The following ARHGAP15 variants were observed in gnomAD, a reference collection of about 807,000 sequenced individuals.
ARHGAP15 encodes the protein Rho GTPase activating protein 15, also known as rho GTPase-activating protein 15.
ARHGAP15 carries 51 observed loss-of-function variants against 63.7 expected under a neutral mutation model. That is an observed-to-expected ratio of 0.80 (90% CI 0.64 to 1.01). The LOEUF is 1.01. Among genes scored for constraint, ARHGAP15 ranks in the 50% least tolerant of loss-of-function variants. The pLI is 0.00. For missense variants in ARHGAP15, 560 were observed against 564.6 expected, an observed-to-expected ratio of 0.99 and a Z score of 0.08; for synonymous variants, 191 against 193.8, an observed-to-expected ratio of 0.99 and a Z score of 0.12.
chr2:143,521,269 G>A (rs545656169), intron 10 of ARHGAP15, among the ~76,000 whole-genome samples: 2 of 152,178 alleles, frequency 1.3e-5, no homozygotes, highest in South Asian at 2.1e-4. Context: ...GAACCCTATG[G>A]AAATATTCAG....
chr2:143,726,849 A>T (rs1033422933), intron 13 of ARHGAP15, among the ~76,000 whole-genome samples: 2 of 152,236 alleles, frequency 1.3e-5, no homozygotes, highest in Non-Finnish European at 2.9e-5. Context: ...TGCAAGAAAG[A>T]AGTAGAAGAC....
chr2:143,373,359 G>A (rs185820229), intron 6 of ARHGAP15, among the ~76,000 whole-genome samples: 164 of 152,154 alleles, frequency 1.1e-3, no homozygotes, highest in Non-Finnish European at 2.1e-3. Context: ...GGCCAGGCAC[G>A]GTGGCTCACG....
At chr2:143,538,390 A>G (rs933849385) in intron 10 of ARHGAP15, among the ~76,000 whole-genome samples, 12 of 152,040 alleles carry the variant, frequency 7.9e-5, no homozygotes, top group Non-Finnish European at 1.3e-4. Flanking sequence ...CTGCCTGATT[A>G]CCCTGGCCAG....
At chr2:143,619,777 C>T (rs1010767575) in intron 11 of ARHGAP15, among the ~76,000 whole-genome samples, 1 of 152,188 alleles carries the variant, frequency 6.6e-6, no homozygotes, top group Non-Finnish European at 1.5e-5. Context: ...CTTTCCTCTT[C>T]ACTCCTCTCT....
intron 11 of ARHGAP15, among the ~76,000 whole-genome samples, chr2:143,567,166 C>T (rs183985834): frequency 2.0e-5 from 3 of 152,152 alleles, no homozygotes; most frequent in Non-Finnish European, 2.9e-5. Flanking sequence ...TGAGCCACAG[C>T]GTGCTTCTTT....
intron 11 of ARHGAP15, among the ~76,000 whole-genome samples, chr2:143,607,183 CA>C (rs535252439): frequency 3.3e-4 from 50 of 152,148 alleles, no homozygotes; most frequent in Non-Finnish European, 6.5e-4. Context: ...GGAGAAGAAT[CA>C]GCACCAAAAT....
chr2:143,222,232 A>AT (rs1199027093), intron 4 of ARHGAP15, among the ~76,000 whole-genome samples: 1 of 152,216 alleles, frequency 6.6e-6, no homozygotes, highest in East Asian at 1.9e-4. Context: ...TGTCTGAGTG[A>AT]TTTTGCGGTA....
chr2:143,250,371 A>C (rs1574152478), intron 5 of ARHGAP15, 140 bp from the exon 6 acceptor site: 2 of 506,610 alleles, frequency 3.9e-6, no homozygotes, highest in East Asian at 6.6e-5. Context: ...AATTCCTACA[A>C]ATTAGGTTTC....
intron 6 of ARHGAP15, among the ~76,000 whole-genome samples, chr2:143,412,952 A>C (rs1688504161): frequency 1.3e-5 from 2 of 151,984 alleles, no homozygotes; most frequent in African/African-American, 4.8e-5. Context: ...AATTTCAACT[A>C]TTTTCAGGTC....
intron 8 of ARHGAP15, among the ~76,000 whole-genome samples, chr2:143,475,404 C>T (rs186949481): frequency 8.5e-5 from 13 of 152,324 alleles, no homozygotes; most frequent in African/African-American, 3.1e-4. Flanking sequence ...GTGCTTCGCA[C>T]GCACATTTTG....
chr2:143,683,373 A>C (rs371541159), intron 12 of ARHGAP15, among the ~76,000 whole-genome samples: 1 of 152,224 alleles, frequency 6.6e-6, no homozygotes, highest in East Asian at 1.9e-4. Flanking sequence ...TAAACTTCAG[A>C]ATATTTTATC....
At chr2:143,519,531 T>C (rs1574568780) in intron 10 of ARHGAP15, 167 bp downstream of exon 10, 1 of 509,450 alleles carries the variant, frequency 2.0e-6, no homozygotes. Context: ...AGTTTGTTTT[T>C]ACAATAGGGA....
chr2:143,503,556 A>G (rs1308754189), intron 9 of ARHGAP15, among the ~76,000 whole-genome samples: 1 of 152,228 alleles, frequency 6.6e-6, no homozygotes, highest in Non-Finnish European at 1.5e-5. Flanking sequence ...GTAGCAAACA[A>G]TAGCTATTGA....
intron 11 of ARHGAP15, among the ~76,000 whole-genome samples, chr2:143,585,627 G>A (rs1333751302): frequency 1.3e-5 from 2 of 152,076 alleles, no homozygotes; most frequent in African/African-American, 2.4e-5. Context: ...TCAAATAAAT[G>A]TTTATTTGAC....
intron 3 of ARHGAP15, among the ~76,000 whole-genome samples, chr2:143,215,661 C>T (rs1384486515): frequency 1.3e-5 from 2 of 152,122 alleles, no homozygotes; most frequent in East Asian, 3.9e-4. Flanking sequence ...AATTAAAACA[C>T]CTAGTACAGA....
chr2:143,394,384 T>C lies in ARHGAP15; in HGVS notation c.475-41217T>C, dbSNP rs139588951. ...GTTGTAAAAAAAGAAGACTGCAAAA[T>C]TGTGGACATAAGAAAGACTAATGAG... On this transcript the variant is annotated intron_variant, in intron 6 of 13. Coordinates refer to ENST00000295095, the MANE Select transcript of ARHGAP15 (RefSeq NM_018460.4). 4.7e-3 allele frequency among the ~76,000 whole-genome samples: 712 copies of C among 152,256 alleles called. 6 individuals are homozygous for C. Among genetic ancestry groups the C allele is most frequent in the African/African-American group, 0.016 (662 of 41,556 alleles).
chr2:143,461,293 A>C (rs1172662231), intron 8 of ARHGAP15, among the ~76,000 whole-genome samples: 1 of 150,632 alleles, frequency 6.6e-6, no homozygotes, highest in African/African-American at 2.4e-5. Flanking sequence ...AAAAAAAAAA[A>C]AAAAAAAAAA....
intron 6 of ARHGAP15, among the ~76,000 whole-genome samples, chr2:143,372,050 G>A (rs1686583146): frequency 1.4e-5 from 2 of 146,746 alleles, no homozygotes; most frequent in Non-Finnish European, 3.0e-5. Flanking sequence ...AAATAAATAG[G>A]ACTAGTCAGC....
intron 9 of ARHGAP15, among the ~76,000 whole-genome samples, chr2:143,505,194 C>T (rs1394580414): frequency 6.6e-6 from 1 of 152,158 alleles, no homozygotes; most frequent in Non-Finnish European, 1.5e-5. Flanking sequence ...AAGTAAGCAT[C>T]CATGGTGGCG....
Sources: gnomAD v4.1 joint callset for allele counts (sites outside exome capture counted in the v4.1 genomes callset) on GRCh38, gnomAD v4.1.1 for gene constraint, MANE v1.5 for transcripts, NCBI Gene and HGNC (gene_info 2026-07-23, HGNC 2026-07-21) for gene names.